RBFOX1: variants seen among roughly 807,000 people sequenced by gnomAD.
RBFOX1 encodes the protein RNA binding fox-1 homolog 1, also known as RNA binding protein fox-1 homolog 1.
Under a neutral mutation model 57.7 loss-of-function variants are expected in RBFOX1, and 8 were observed. The ratio of observed to expected loss-of-function variants is 0.14; its 90% confidence interval spans 0.08 to 0.25. RBFOX1 has a LOEUF of 0.25. Ranked by LOEUF, RBFOX1 falls within the 10% of genes least tolerant of loss-of-function variation. The pLI is 1.00. For synonymous variants in RBFOX1, 326 were observed against 222.4 expected (o/e 1.47, Z -4.15); for missense variants, 611 against 548.5 (o/e 1.11, Z -1.14).
At chr16:5,256,182 G>T (rs925769140) in intron 1 of RBFOX1, among the ~76,000 whole-genome samples, 1 of 152,176 alleles carries the variant, frequency 6.6e-6, no homozygotes, top group Non-Finnish European at 1.5e-5. Flanking sequence ...TCAGAAAAAA[G>T]TTCCCCATTG....
intron 1 of RBFOX1, among the ~76,000 whole-genome samples, chr16:6,141,044 G>A (rs1418573239): frequency 6.6e-6 from 1 of 152,152 alleles, no homozygotes; most frequent in African/African-American, 2.4e-5. Context: ...TGAGACTGGA[G>A]CTCTGCGTCA....
intron 2 of RBFOX1, among the ~76,000 whole-genome samples, chr16:5,557,618 C>T (rs575356644): frequency 6.6e-6 from 1 of 152,118 alleles, no homozygotes; most frequent in Non-Finnish European, 1.5e-5. Context: ...GGAGAAAGAG[C>T]TGGGAAAGCA....
At chr16:6,341,642 C>T (rs2152827862) in intron 2 of RBFOX1, among the ~76,000 whole-genome samples, 1 of 151,346 alleles carries the variant, frequency 6.6e-6, no homozygotes, top group South Asian at 2.1e-4. Context: ...AGCACATCTT[C>T]CCATTTTTTT....
chr16:6,602,360 G>T (rs1438839340), intron 2 of RBFOX1, among the ~76,000 whole-genome samples: 1 of 152,028 alleles, frequency 6.6e-6, no homozygotes. Context: ...TTTGTTGCCT[G>T]TACTTTTTGT....
At chr16:6,921,859 C>T (rs1567891221) in intron 3 of RBFOX1, among the ~76,000 whole-genome samples, 1 of 151,942 alleles carries the variant, frequency 6.6e-6, no homozygotes. Context: ...GGAAGCAAGT[C>T]CCAGGTCTAC....
intron 3 of RBFOX1, among the ~76,000 whole-genome samples, chr16:5,766,234 G>C (rs896677070): frequency 3.9e-5 from 6 of 152,280 alleles, no homozygotes; most frequent in Admixed American, 1.3e-4. Flanking sequence ...AGGAGAAGGG[G>C]CGTCTCACAT....
intron 3 of RBFOX1, among the ~76,000 whole-genome samples, chr16:6,980,853 G>A (rs972155471): frequency 2.0e-5 from 3 of 151,948 alleles, no homozygotes; most frequent in Non-Finnish European, 4.4e-5. Context: ...AACCAGTCTG[G>A]CTAACATGTT....
At chr16:7,456,727 C>T (rs984243971) in intron 4 of RBFOX1, among the ~76,000 whole-genome samples, 1 of 152,086 alleles carries the variant, frequency 6.6e-6, no homozygotes, top group Non-Finnish European at 1.5e-5. Context: ...CCCGTAGAAT[C>T]GCCACCTATG....
intron 4 of RBFOX1, among the ~76,000 whole-genome samples, chr16:7,502,224 A>G (rs1018871854): frequency 1.8e-4 from 27 of 152,236 alleles, no homozygotes; most frequent in African/African-American, 5.8e-4. Context: ...AAGTGAGGCG[A>G]ATGCAAGCCA....
At chr16:6,673,563 C>G (rs1305990225) in intron 3 of RBFOX1, among the ~76,000 whole-genome samples, 1 of 152,130 alleles carries the variant, frequency 6.6e-6, no homozygotes, top group Non-Finnish European at 1.5e-5. Context: ...TACATTGCGC[C>G]ACTGCACTCA....
At chr16:7,581,966 C>G (rs954952756) in intron 6 of RBFOX1, among the ~76,000 whole-genome samples, 1 of 152,042 alleles carries the variant, frequency 6.6e-6, no homozygotes, top group African/African-American at 2.4e-5. Context: ...ACCCTCCCGC[C>G]TTGGCCTCCC....
intron 4 of RBFOX1, among the ~76,000 whole-genome samples, chr16:7,261,171 T>C (rs2094905164): frequency 6.6e-6 from 1 of 152,214 alleles, no homozygotes; most frequent in Admixed American, 6.5e-5. Flanking sequence ...GCCGCAGTTC[T>C]TGCTTGTTTT....
At chr16:7,146,195 C>G (rs11649250) in intron 4 of RBFOX1, among the ~76,000 whole-genome samples, 45,621 of 149,712 alleles carry the variant, frequency 0.3, 8,127 homozygotes, top group Admixed American at 0.44. Flanking sequence ...GGTTCAAGCC[C>G]CTTCCCCATT....
intron 4 of RBFOX1, among the ~76,000 whole-genome samples, chr16:7,176,985 GA>G (rs1336365452): frequency 2.6e-5 from 4 of 152,042 alleles, no homozygotes; most frequent in Non-Finnish European, 4.4e-5. Context: ...GTTTTCAATA[GA>G]AAAATAAAAA....
At chr16:6,457,516 G>A (rs762929743) in intron 2 of RBFOX1, among the ~76,000 whole-genome samples, 5 of 147,682 alleles carry the variant, frequency 3.4e-5, no homozygotes, top group African/African-American at 1.2e-4. Flanking sequence ...ACTGACTACC[G>A]TTCCAGGCAT....
intron 2 of RBFOX1, among the ~76,000 whole-genome samples, chr16:6,488,069 G>C (rs1256161947): frequency 6.6e-6 from 1 of 152,056 alleles, no homozygotes; most frequent in Non-Finnish European, 1.5e-5. Context: ...AATACAGAAA[G>C]CAACAACCAA....
At chr16:7,058,159 C>G (rs972893626) in intron 4 of RBFOX1, among the ~76,000 whole-genome samples, 1 of 152,094 alleles carries the variant, frequency 6.6e-6, no homozygotes, top group Non-Finnish European at 1.5e-5. Flanking sequence ...ACCTACCGCA[C>G]GTCTTACTCA....
At position 5,657,034 on chromosome 16, in the gene RBFOX1, G is replaced by A. The variant is rs190919914; in HGVS notation, c.318+58073G>A. The stretch of plus-strand genomic sequence containing the variant: ...TTGATGGGTGCAGCAGACCAACATG[G>A]CACATGTATACCTGTGTAACAGACC... On this transcript the variant is annotated intron_variant, in intron 3 of 19. Coordinates refer to the RBFOX1 transcript ENST00000641259. 3.2e-4 allele frequency among the ~76,000 whole-genome samples: 49 copies of A among 152,246 alleles called. 1 individual carries two copies. The East Asian group carries it at 8.5e-3, about 26-fold the overall frequency.
chr16:6,695,292 G>T (rs80144783), intron 3 of RBFOX1, among the ~76,000 whole-genome samples: 5,374 of 151,682 alleles, frequency 0.035, 314 homozygotes, highest in African/African-American at 0.12. Flanking sequence ...GGTGGTGAGT[G>T]CCTGTAATAG....
Sources: allele counts gnomAD v4.1 joint callset (sites outside exome capture counted in the v4.1 genomes callset), GRCh38; gene constraint gnomAD v4.1.1; transcripts MANE v1.5; gene names NCBI Gene and HGNC (gene_info 2026-07-23, HGNC 2026-07-21).